Variants in CDIN1 observed in about 807,000 individuals in gnomAD.
CDIN1 encodes the protein CDAN1 interacting nuclease 1.
In CDIN1, 33 loss-of-function variants were observed where a neutral mutation model predicts 45.3. The observed-to-expected ratio is 0.73, with a 90% CI of 0.55 to 0.97. CDIN1 has a LOEUF of 0.97. Ranked by LOEUF, CDIN1 falls within the 50% of genes least tolerant of loss-of-function variation. The probability of loss-of-function intolerance (pLI) is 0.00; values close to 1 mark genes in which losing one functional copy is unlikely to be tolerated. For synonymous variants in CDIN1, 118 were observed against 124.4 expected, an observed-to-expected ratio of 0.95 and a Z score of 0.34; for missense variants, 303 against 339.4, an observed-to-expected ratio of 0.89 and a Z score of 0.84.
chr15:36,702,847 T>G (rs936568392), intron 8 of CDIN1, among the ~76,000 whole-genome samples: 2 of 152,040 alleles, frequency 1.3e-5, no homozygotes, highest in East Asian at 3.9e-4. Context: ...GCCAGTTTGT[T>G]TAATCCTTAG....
At chr15:36,630,021 G>C (rs2039615889) in intron 1 of CDIN1, among the ~76,000 whole-genome samples, 3 of 152,122 alleles carry the variant, frequency 2.0e-5, no homozygotes. Flanking sequence ...ATTTAGGAGA[G>C]GCTGGAATTT....
chr15:36,744,323 GA>G (rs1236651560), intron 10 of CDIN1, among the ~76,000 whole-genome samples: 1 of 152,182 alleles, frequency 6.6e-6, no homozygotes, highest in Non-Finnish European at 1.5e-5. Flanking sequence ...TGTTCATTAA[GA>G]AGCCAGAGGA....
At chr15:36,655,778 G>C (rs2040759711) in intron 4 of CDIN1, among the ~76,000 whole-genome samples, 1 of 152,182 alleles carries the variant, frequency 6.6e-6, no homozygotes, top group Admixed American at 6.5e-5. Context: ...CATCTAGAAA[G>C]AATGTGATGC....
At chr15:36,733,286 A>G (rs1566937650) in intron 10 of CDIN1, among the ~76,000 whole-genome samples, 1 of 152,088 alleles carries the variant, frequency 6.6e-6, no homozygotes, top group Admixed American at 6.6e-5. Context: ...ATACATATAT[A>G]CATTTAAATT....
chr15:36,680,128 G>A (rs1207486217), intron 5 of CDIN1, among the ~76,000 whole-genome samples: 1 of 152,164 alleles, frequency 6.6e-6, no homozygotes, highest in African/African-American at 2.4e-5. Context: ...GAGGAATCAG[G>A]ATAACAATGC....
intron 10 of CDIN1, among the ~76,000 whole-genome samples, chr15:36,736,810 T>G (rs982644392): frequency 1.3e-5 from 2 of 152,150 alleles, no homozygotes; most frequent in Non-Finnish European, 2.9e-5. Flanking sequence ...AAGATGTTAC[T>G]CCATACACTT....
At chr15:36,803,073 T>G (rs1276964861) in intron 10 of CDIN1, among the ~76,000 whole-genome samples, 1 of 151,866 alleles carries the variant, frequency 6.6e-6, no homozygotes, top group Non-Finnish European at 1.5e-5. Context: ...TGGGGCATTT[T>G]TATGTCTCTC....
intron 10 of CDIN1, among the ~76,000 whole-genome samples, chr15:36,761,997 G>A (rs561338053): frequency 6.2e-4 from 95 of 152,192 alleles, no homozygotes; most frequent in Non-Finnish European, 1.2e-3. Flanking sequence ...TAAGCTCACA[G>A]GCTGGCCCCG....
At chr15:36,767,451 A>T (rs959060766) in intron 10 of CDIN1, among the ~76,000 whole-genome samples, 1 of 152,214 alleles carries the variant, frequency 6.6e-6, no homozygotes, top group African/African-American at 2.4e-5. Flanking sequence ...AAAGTCACCT[A>T]GTAATTTCAT....
At chr15:36,757,216 G>T (rs959763881) in intron 10 of CDIN1, among the ~76,000 whole-genome samples, 1 of 152,138 alleles carries the variant, frequency 6.6e-6, no homozygotes, top group Non-Finnish European at 1.5e-5. Context: ...GTTTTACGTC[G>T]TGGGAATAAC....
intron 10 of CDIN1, among the ~76,000 whole-genome samples, chr15:36,754,747 A>G (rs1180079130): frequency 6.6e-6 from 1 of 152,128 alleles, no homozygotes; most frequent in Non-Finnish European, 1.5e-5. Flanking sequence ...ACGCAGAAGC[A>G]AGGATAAAAA....
intron 10 of CDIN1, among the ~76,000 whole-genome samples, chr15:36,728,121 A>T (rs547418462): frequency 4.7e-4 from 72 of 152,272 alleles, no homozygotes; most frequent in African/African-American, 1.5e-3. Context: ...CTTTCCCCTC[A>T]TATGGCTTTG....
chr15:36,808,709 G>C lies in CDIN1; in HGVS notation c.*256G>C. ...CATTTCTGTCTCTGTCAAACAATTA[G>C]TTTATAGATAGTCATAATCTTTCTT... On this transcript the variant is annotated 3_prime_UTR_variant, in exon 11 of 11. Coordinates refer to ENST00000566621, the MANE Select transcript of CDIN1 (RefSeq NM_001321759.2). The C allele has an allele frequency of 1.9e-6, 1 of 518,118 alleles. No individual in the cohort carries two copies. The highest frequency in any genetic ancestry group is 3.0e-5 in the Admixed American group (1 of 33,338). 32.1% of individuals were successfully genotyped at this position (518,118 alleles called of 1,614,324 possible).
chr15:36,686,586 A>T (rs781614735), intron 5 of CDIN1, among the ~76,000 whole-genome samples: 89 of 151,538 alleles, frequency 5.9e-4, no homozygotes, highest in Non-Finnish European at 9.9e-4. Context: ...AAGAAAAAGA[A>T]ATCATCATAG....
At chr15:36,774,133 G>GGTGGGTGTGTGTGT (rs2054148998) in intron 10 of CDIN1, among the ~76,000 whole-genome samples, 2 of 138,746 alleles carry the variant, frequency 1.4e-5, no homozygotes, top group African/African-American at 5.5e-5. Flanking sequence ...AACTGACAGG[G>GGTGGGTGTGTGTGT]GTGTGTGTGT....
chr15:36,808,075 CAG>C (rs2141157804), intron 10 of CDIN1, among the ~76,000 whole-genome samples: 1 of 152,222 alleles, frequency 6.6e-6, no homozygotes, highest in Admixed American at 6.5e-5. Flanking sequence ...AGGTAAGATT[CAG>C]AGTTTCCATA....
At chr15:36,805,679 A>G (rs1017910117) in intron 10 of CDIN1, among the ~76,000 whole-genome samples, 11 of 152,160 alleles carry the variant, frequency 7.2e-5, no homozygotes, top group African/African-American at 2.7e-4. Context: ...AATTGATTAT[A>G]TAAAGTTGCT....
Position 36,654,162 on chromosome 15 carries a change from A to G in CDIN1, c.273+4A>G. 6.4e-7 allele frequency: 1 copy of G among 1,564,112 alleles called. No homozygotes were observed. The highest frequency in any genetic ancestry group is 8.7e-7 in the Non-Finnish European group (1 of 1,152,056). On this transcript the variant is annotated splice_donor_region_variant and intron_variant, in intron 4 of 10. Transcript: ENST00000566621. Reference sequence around the variant, plus strand: ...GCTCCTGGACCTGGCCAATGAGGTAATGTTATTGTTATGATTTTATTTAAA... The same window carrying G: ...GCTCCTGGACCTGGCCAATGAGGTAGTGTTATTGTTATGATTTTATTTAAA...
chr15:36,742,813 G>T (rs1433647550), intron 10 of CDIN1, among the ~76,000 whole-genome samples: 1 of 152,156 alleles, frequency 6.6e-6, no homozygotes, highest in African/African-American at 2.4e-5. Flanking sequence ...GATAAGCATG[G>T]CCTCAAGCCT....
Sources: gnomAD v4.1 joint callset for allele counts (sites outside exome capture counted in the v4.1 genomes callset) on GRCh38, gnomAD v4.1.1 for gene constraint, MANE v1.5 for transcripts, NCBI Gene and HGNC (gene_info 2026-07-23, HGNC 2026-07-21) for gene names.